Variants in TOX2 observed in about 807,000 individuals in gnomAD.
TOX2 encodes the protein TOX high mobility group box family member 2.
A neutral mutation model predicts 47.4 loss-of-function variants in TOX2; 15 were observed. The observed-to-expected ratio is 0.32, with a 90% CI of 0.21 to 0.49. The LOEUF is 0.49. TOX2 is among the 20% of genes least tolerant of loss of function. The pLI is 0.99. For synonymous variants in TOX2, 290 were observed against 296.6 expected (o/e 0.98, Z 0.23); for missense variants, 622 against 673.1 (o/e 0.92, Z 0.84).
chr20:43,932,068 T>C (rs2069259242), intron 1 of TOX2, among the ~76,000 whole-genome samples: 1 of 151,854 alleles, frequency 6.6e-6, no homozygotes, highest in Non-Finnish European at 1.5e-5. Flanking sequence ...TGGGGATGAG[T>C]TGGATCTGGG....
chr20:44,039,192 A>G, intron 3 of TOX2: 1 of 1,276,772 alleles, frequency 7.8e-7, no homozygotes, highest in Non-Finnish European at 1.0e-6. Context: ...AGGATGGAGC[A>G]GGAGAGGGAA....
intron 1 of TOX2, among the ~76,000 whole-genome samples, chr20:43,930,474 G>A (rs1389234609): frequency 6.6e-6 from 1 of 152,180 alleles, no homozygotes; most frequent in East Asian, 1.9e-4. Context: ...TGAAATCCTT[G>A]TCCTCATGGC....
chr20:43,944,901 G>A (rs1053227888), intron 1 of TOX2, among the ~76,000 whole-genome samples: 3 of 152,226 alleles, frequency 2.0e-5, no homozygotes, highest in African/African-American at 7.2e-5. Context: ...TTCGAACCCA[G>A]CTCTGTCTTA....
intron 2 of TOX2, among the ~76,000 whole-genome samples, chr20:43,997,701 G>A (rs537496861): frequency 7.2e-5 from 11 of 152,210 alleles, no homozygotes; most frequent in Non-Finnish European, 1.3e-4. Flanking sequence ...ACCATCTTGA[G>A]TTGAGTGCTG....
rs2071578608 is a variant in TOX2 at position 44,054,307 on chromosome 20, A to G, written c.660A>G (p.Gly220=). 1 of 1,609,284 alleles carries G rather than the reference A, an allele frequency of 6.2e-7. No individual in the cohort carries two copies. Among genetic ancestry groups the G allele is most frequent in the East Asian group, 2.2e-5 (1 of 44,588 alleles). Residue 220 remains glycine (G), a synonymous_variant, in exon 5 of 9, where the codon GGA becomes GGG. Coordinates refer to ENST00000341197, the MANE Select transcript of TOX2 (RefSeq NM_001098797.2). ...TCTTCTCACTCGGGCAGATCTCGGG[A>G]GAAAAGAGACCTTCAGCCGACCCAG... ...EESEVHFKIS[G]EKRPSADPGK...
At chr20:43,983,203 A>T (rs562356200) in intron 2 of TOX2, among the ~76,000 whole-genome samples, 13 of 152,178 alleles carry the variant, frequency 8.5e-5, no homozygotes, top group African/African-American at 2.9e-4. Flanking sequence ...CCATCATGTC[A>T]TACAGGCCAA....
At chr20:44,025,429 G>C (rs2071044799) in intron 3 of TOX2, among the ~76,000 whole-genome samples, 1 of 150,756 alleles carries the variant, frequency 6.6e-6, no homozygotes, top group Non-Finnish European at 1.5e-5. Context: ...CTCTGAAGAA[G>C]GGGGCAGCTG....
chr20:44,027,575 T>C (rs925487559), intron 3 of TOX2, among the ~76,000 whole-genome samples: 1 of 152,230 alleles, frequency 6.6e-6, no homozygotes, highest in African/African-American at 2.4e-5. Context: ...ACTTACTGGA[T>C]GCAGATCTGA....
In TOX2 at chr20:43,951,707, G is replaced by GGTTTTTTTTTTTTTTTTTTTTTTTT. The variant is rs745489872; in HGVS notation, c.100-21660_100-21659insGTTTTTTTTTTTTTTTTTTTTTTTT. On this transcript the variant is annotated intron_variant, in intron 1 of 8. Coordinates refer to ENST00000341197, the MANE Select transcript of TOX2 (RefSeq NM_001098797.2). Reference sequence around the variant, plus strand: ...TGACCATTACTATTAAACTTATTATGTTTTTTTTTTTTTTTTTTTTTAGAG... The same window carrying GGTTTTTTTTTTTTTTTTTTTTTTTT: ...TGACCATTACTATTAAACTTATTATGGTTTTTTTTTTTTTTTTTTTTTTTTTTTTTTTTTTTTTTTTTTTTTAGAG... 6.9e-4 allele frequency among the ~76,000 whole-genome samples: 38 copies of GGTTTTTTTTTTTTTTTTTTTTTTTT among 55,092 alleles called. 1 individual carries two copies. The highest frequency in any genetic ancestry group is 1.6e-3 in the East Asian group (3 of 1,890). The allele number at this position is 55,092 out of a possible 152,430, so 36.1% of individuals were successfully genotyped here.
At chr20:43,994,192 C>T (rs1005428391) in intron 2 of TOX2, among the ~76,000 whole-genome samples, 7 of 151,810 alleles carry the variant, frequency 4.6e-5, no homozygotes, top group South Asian at 2.1e-4. Context: ...CAGTTTGGCA[C>T]GGTGGCTCAT....
Position 43,916,024 on chromosome 20 carries a change from G to C in TOX2, c.99+1034G>C. 1 of 770,112 alleles carries C rather than the reference G, an allele frequency of 1.3e-6. No individual in the cohort carries two copies. The highest frequency in any genetic ancestry group is 1.6e-6 in the Non-Finnish European group (1 of 633,448). The allele number at this position is 770,112 out of a possible 1,614,324, so 47.7% of individuals were successfully genotyped here. ...TAAGCAGTCCGCGTCCCCTTCGGTC[G>C]CCGGAGAGGGAACTTTCAAACTTAG... On this transcript the variant is annotated intron_variant, in intron 1 of 8. Coordinates refer to ENST00000341197, the MANE Select transcript of TOX2 (RefSeq NM_001098797.2). This position sits in a 1 kb window ranked among gnomAD's most constrained non-coding sequence, Gnocchi z 5.0.
intron 2 of TOX2, among the ~76,000 whole-genome samples, chr20:43,977,645 A>C (rs2070105470): frequency 6.6e-6 from 1 of 151,798 alleles, no homozygotes; most frequent in Non-Finnish European, 1.5e-5. Flanking sequence ...ATTTTCCCAT[A>C]GCTGCTTTAG....
chr20:44,016,749 A>G (rs1242674156), intron 3 of TOX2, among the ~76,000 whole-genome samples: 3 of 152,170 alleles, frequency 2.0e-5, no homozygotes, highest in Admixed American at 6.5e-5. Flanking sequence ...GTGAACTCCT[A>G]TTCCTGTATG....
At position 43,915,303 on chromosome 20, in the gene TOX2, C is replaced by T. The variant is rs1474721696; in HGVS notation, c.99+313C>T. Among the ~76,000 whole-genome samples the T allele has an allele frequency of 6.6e-6, 1 of 152,164 alleles. No individual in the cohort carries two copies. Among genetic ancestry groups the T allele is most frequent in the East Asian group, 1.9e-4 (1 of 5,180 alleles). On this transcript the variant is annotated intron_variant, in intron 1 of 8. Coordinates refer to ENST00000341197, the MANE Select transcript of TOX2 (RefSeq NM_001098797.2). This position sits in a 1 kb window ranked among gnomAD's most constrained non-coding sequence, Gnocchi z 7.1. ...CGCAGGCGGCCAGGCACTGCTTACA[C>T]GGTCCCGCCGTCCCACGCAAGTCAC...
At chr20:44,028,574 C>T (rs2071100717) in intron 3 of TOX2, among the ~76,000 whole-genome samples, 1 of 152,158 alleles carries the variant, frequency 6.6e-6, no homozygotes, top group African/African-American at 2.4e-5. Context: ...TCTTCCAAGC[C>T]CTGAGCAGTG....
At chr20:44,062,350 C>A (rs2071732333) in intron 5 of TOX2, among the ~76,000 whole-genome samples, 1 of 150,422 alleles carries the variant, frequency 6.6e-6, no homozygotes, top group African/African-American at 2.5e-5. Flanking sequence ...ATCAAGAACT[C>A]AACCCCCTTT....
chr20:43,966,651 G>A (rs2069858352), intron 1 of TOX2, among the ~76,000 whole-genome samples: 1 of 151,994 alleles, frequency 6.6e-6, no homozygotes, highest in South Asian at 2.1e-4. Context: ...CTACTCAGGA[G>A]GCTGAGGCAG....
chr20:44,052,074 T>C (rs2071522313), intron 4 of TOX2, among the ~76,000 whole-genome samples: 1 of 152,212 alleles, frequency 6.6e-6, no homozygotes, highest in Admixed American at 6.5e-5. Flanking sequence ...TTGGCCCTTT[T>C]AGGAGAAAAT....
chr20:44,008,529 C>T (rs544127998), intron 3 of TOX2, among the ~76,000 whole-genome samples: 118 of 150,244 alleles, frequency 7.9e-4, no homozygotes, highest in African/African-American at 2.8e-3. Context: ...CACTGCACTC[C>T]AGCCTGGGCC....
Sources: gnomAD v4.1 joint callset for allele counts (sites outside exome capture counted in the v4.1 genomes callset) on GRCh38, gnomAD v4.1.1 for gene constraint, Gnocchi (gnomAD v3.1) non-coding constraint, MANE v1.5 for transcripts, NCBI Gene and HGNC (gene_info 2026-07-23, HGNC 2026-07-21) for gene names.